DHRS9: variants seen among roughly 807,000 people sequenced by gnomAD.
DHRS9 encodes the protein dehydrogenase/reductase 9.
A neutral mutation model predicts 26.6 loss-of-function variants in DHRS9; 18 were observed. That is an observed-to-expected ratio of 0.68 (90% CI 0.47 to 1.00). The LOEUF is 1.00. Ranked by LOEUF, DHRS9 falls within the 50% of genes least tolerant of loss-of-function variation. DHRS9 has a pLI of 0.00. For synonymous variants in DHRS9, 134 were observed against 141.1 expected, an observed-to-expected ratio of 0.95 and a Z score of 0.36; for missense variants, 425 against 378.7, an observed-to-expected ratio of 1.12 and a Z score of -1.01.
intron 1 of DHRS9, among the ~76,000 whole-genome samples, chr2:169,080,660 C>T (rs1684154504): frequency 1.3e-5 from 2 of 152,240 alleles, no homozygotes; most frequent in Admixed American, 6.5e-5. Flanking sequence ...CTACCTCTAG[C>T]CCTGACAAAA....
chr2:169,072,661 C>G, intron 1 of DHRS9: 1 of 985,264 alleles, frequency 1.0e-6, no homozygotes, highest in South Asian at 4.7e-5. Context: ...TGCTGACAGG[C>G]AGTTACTATA....
intron 4 of DHRS9, among the ~76,000 whole-genome samples, chr2:169,093,343 C>T (rs371912080): frequency 5.3e-5 from 8 of 151,314 alleles, no homozygotes; most frequent in South Asian, 2.2e-4. Flanking sequence ...CACACACACA[C>T]GCACACACAC....
intron 4 of DHRS9, 88 bp from the exon 5 acceptor site, chr2:169,095,456 C>G (rs1684663007): frequency 9.9e-7 from 1 of 1,008,454 alleles, no homozygotes; most frequent in African/African-American, 1.6e-5. Context: ...AATAAATCCC[C>G]TTGTATCCAT....
Position 169,083,594 on chromosome 2 carries a change from C to G in DHRS9, c.572+7C>G. 1 of 1,611,896 alleles carries G rather than the reference C, an allele frequency of 6.2e-7. No homozygotes were observed. Among genetic ancestry groups the G allele is most frequent in the Non-Finnish European group, 8.5e-7 (1 of 1,178,470 alleles). Reference sequence around the variant, plus strand: ...GTTTCAATGACAGCTTAAGGTAAATCAAATTAATCAACTTATTAGGAAACA... The same window carrying G: ...GTTTCAATGACAGCTTAAGGTAAATGAAATTAATCAACTTATTAGGAAACA... On this transcript the variant is annotated splice_region_variant and intron_variant, in intron 3 of 4. Coordinates refer to ENST00000674881, the MANE Select transcript of DHRS9 (RefSeq NM_001376924.1).
At chr2:169,073,805 C>A (rs962830607) in intron 1 of DHRS9, among the ~76,000 whole-genome samples, 1 of 152,136 alleles carries the variant, frequency 6.6e-6, no homozygotes, top group Non-Finnish European at 1.5e-5. Context: ...GTGATACTAC[C>A]AAGGAACCAA....
intron 1 of DHRS9, chr2:169,069,980 A>T: frequency 1.4e-6 from 1 of 696,984 alleles, no homozygotes; most frequent in Non-Finnish European, 1.8e-6. Flanking sequence ...CTAGTGTCCC[A>T]ATTCAATTCA....
chr2:169,091,146 A>G (rs964702690), intron 3 of DHRS9, among the ~76,000 whole-genome samples: 9 of 152,082 alleles, frequency 5.9e-5, no homozygotes, highest in Non-Finnish European at 1.3e-4. Context: ...TTTGCTTTAA[A>G]GAAAGGGGCA....
chr2:169,083,642 T>A (rs941741557), intron 3 of DHRS9, 55 bp downstream of exon 3: 3 of 1,585,902 alleles, frequency 1.9e-6, no homozygotes, highest in Non-Finnish European at 2.6e-6. Context: ...GTTTACTGAA[T>A]GCTTATGTAC....
At chr2:169,076,839 T>G (rs1260490133) in intron 1 of DHRS9, among the ~76,000 whole-genome samples, 1 of 152,236 alleles carries the variant, frequency 6.6e-6, no homozygotes, top group Non-Finnish European at 1.5e-5. Context: ...ATTTTGTATA[T>G]GTATTATATA....
At chr2:169,072,947 A>G (rs1444735316) in intron 1 of DHRS9, among the ~76,000 whole-genome samples, 1 of 152,200 alleles carries the variant, frequency 6.6e-6, no homozygotes, top group Admixed American at 6.5e-5. Flanking sequence ...TATTACATAA[A>G]CACTTCCCAA....
chr2:169,092,192 C>T (rs1472701503), intron 4 of DHRS9, among the ~76,000 whole-genome samples: 1 of 152,220 alleles, frequency 6.6e-6, no homozygotes, highest in Non-Finnish European at 1.5e-5. Flanking sequence ...ATATTATTTA[C>T]TCCTCAAAAA....
At chr2:169,079,910 G>A (rs373007682) in intron 1 of DHRS9, among the ~76,000 whole-genome samples, 7 of 63,154 alleles carry the variant, frequency 1.1e-4, no homozygotes, top group African/African-American at 4.9e-4. Flanking sequence ...AGGGAGGGAG[G>A]GAGGGAGGGG....
upstream of DHRS9, chr2:169,067,100 G>C (rs1336955252): frequency 1.3e-6 from 2 of 1,532,960 alleles, no homozygotes; most frequent in Admixed American, 2.0e-5. Context: ...GTCGTTCAGA[G>C]AAACATGTTC....
rs139859030 is a variant in DHRS9, at chr2:169,091,682, C to A, written c.573-108C>A. The A allele has an allele frequency of 2.3e-5, 29 of 1,259,010 alleles. No homozygotes were observed. In the East Asian group the frequency reaches 5.9e-4, roughly 26 times the overall value. The allele number at this position is 1,259,010 out of a possible 1,614,324, so 78.0% of individuals were successfully genotyped here. A position where few individuals can be genotyped will look rare whatever the true frequency, so the allele number is the denominator to read the frequency against. ...GAATAAGATATTTCTTTCAAATGCA[C>A]CCAAATCTGTGATTCCATGAAAAGA... On this transcript the variant is annotated intron_variant, in intron 3 of 4. Coordinates refer to ENST00000674881, the MANE Select transcript of DHRS9 (RefSeq NM_001376924.1).
chr2:169,080,113 A>G (rs547632958), intron 1 of DHRS9, among the ~76,000 whole-genome samples: 31 of 152,330 alleles, frequency 2.0e-4, no homozygotes, highest in African/African-American at 7.2e-4. Context: ...CTCAGTGTCC[A>G]GGAACAGCCA....
chr2:169,075,675 A>G, intron 1 of DHRS9, among the ~76,000 whole-genome samples: 1 of 152,138 alleles, frequency 6.6e-6, no homozygotes, highest in East Asian at 1.9e-4. Context: ...TTTGATCTGA[A>G]ATGGTCCTCA....
chr2:169,084,207 A>T (rs1271431628), intron 3 of DHRS9, among the ~76,000 whole-genome samples: 1 of 152,154 alleles, frequency 6.6e-6, no homozygotes, highest in South Asian at 2.1e-4. Flanking sequence ...TCCATTGTAT[A>T]TATATACTGC....
Position 169,091,814 on chromosome 2 carries a change from G to A in DHRS9, c.597G>A (p.Val199=). Residue 199 remains valine (V), a synonymous_variant, in exon 4 of 5, where the codon GTG becomes GTA. Coordinates refer to ENST00000674881, the MANE Select transcript of DHRS9 (RefSeq NM_001376924.1). ...GACGGGACATGAAAGCTTTTGGTGT[G>A]CACGTCTCATGCATTGAACCAGGAT... The part of the protein sequence containing the change: ...SLRRDMKAFG[V]HVSCIEPGLF... 1 of 1,613,258 alleles carries A rather than the reference G, an allele frequency of 6.2e-7. No homozygotes were observed. The highest frequency in any genetic ancestry group is 8.5e-7 in the Non-Finnish European group (1 of 1,179,428).
intron 1 of DHRS9, among the ~76,000 whole-genome samples, chr2:169,072,348 C>T (rs1170755710): frequency 1.3e-5 from 2 of 152,104 alleles, no homozygotes; most frequent in Non-Finnish European, 2.9e-5. Context: ...GCTTTGGTAT[C>T]GCTTTCTAAA....
Sources: allele counts gnomAD v4.1 joint callset (sites outside exome capture counted in the v4.1 genomes callset), GRCh38; gene constraint gnomAD v4.1.1; transcripts MANE v1.5; gene names NCBI Gene and HGNC (gene_info 2026-07-23, HGNC 2026-07-21).